The following GPRASP3 variants were observed in gnomAD, a reference collection of about 807,000 sequenced individuals.
The protein encoded by GPRASP3 is G protein-coupled receptor associated sorting protein 3.
At chrX:102,727,256 A>G in the GPRASP3 span, among the ~76,000 whole-genome samples, 2 of 112,467 alleles carry the variant, frequency 1.8e-5, no homozygotes, top group Non-Finnish European at 3.8e-5. Flanking sequence ...CACAATATCA[A>G]CTTCCGTCCT....
the GPRASP3 span, among the ~76,000 whole-genome samples, chrX:102,732,349 G>A: frequency 1.8e-5 from 2 of 110,881 alleles, no homozygotes; most frequent in African/African-American, 6.5e-5. Flanking sequence ...TCAGGGGCAG[G>A]ATTTTGCCAC....
chrX:102,746,276 C>A, the GPRASP3 span: 3 of 111,616 alleles, frequency 2.7e-5, no homozygotes, highest in Admixed American at 1.9e-4. Context: ...ACGATCCGGT[C>A]GGAGCCGGTC....
At chrX:102,751,842 T>A in the GPRASP3 span, 1 of 123,137 alleles carries the variant, frequency 8.1e-6, no homozygotes, top group Non-Finnish European at 1.9e-5. Context: ...GTCCTTTGTA[T>A]CTTTTTCTAT....
At chrX:102,753,415 A>G in the GPRASP3 span, 1,253 of 123,356 alleles carry the variant, frequency 0.01, 6 homozygotes, top group Non-Finnish European at 0.015. Flanking sequence ...GAGTTTGGCC[A>G]TTATAAGTAA....
the GPRASP3 span, among the ~76,000 whole-genome samples, chrX:102,721,527 A>G: frequency 3.6e-5 from 4 of 111,163 alleles, no homozygotes; most frequent in Admixed American, 9.5e-5. Flanking sequence ...AAGGAGGAGG[A>G]GACATAGACT....
the GPRASP3 span, among the ~76,000 whole-genome samples, chrX:102,722,924 T>C: frequency 9.0e-6 from 1 of 111,403 alleles, no homozygotes; most frequent in Non-Finnish European, 1.9e-5. Context: ...AGTAGCACAA[T>C]AGGGTGCCTA....
chrX:102,746,687 G>T, the GPRASP3 span, among the ~76,000 whole-genome samples: 1 of 112,895 alleles, frequency 8.9e-6, no homozygotes, highest in Admixed American at 9.3e-5. Flanking sequence ...CAGGCTCCAG[G>T]TGGTTGTTAA....
chrX:102,737,497 A>G, the GPRASP3 span, among the ~76,000 whole-genome samples: 4 of 111,851 alleles, frequency 3.6e-5, no homozygotes, highest in East Asian at 1.1e-3. Flanking sequence ...CAGAGAATAC[A>G]TTGATTTCTA....
the GPRASP3 span, among the ~76,000 whole-genome samples, chrX:102,748,372 A>G: frequency 9.0e-6 from 1 of 111,310 alleles, no homozygotes; most frequent in African/African-American, 3.3e-5. Context: ...GAATACACCT[A>G]TGAGGTCTAG....
chrX:102,752,060 G>A, the GPRASP3 span: 1 of 118,523 alleles, frequency 8.4e-6, no homozygotes, highest in Admixed American at 1.0e-4. Flanking sequence ...TTCTGCATTT[G>A]TGCCAGCTAA....
the GPRASP3 span, chrX:102,721,072 GA>G: frequency 1.8e-5 from 2 of 111,416 alleles, no homozygotes; most frequent in African/African-American, 6.6e-5. Flanking sequence ...GGTGGTGACT[GA>G]GACTAGATGC....
chrX:102,731,555 G>A, the GPRASP3 span, among the ~76,000 whole-genome samples: 3 of 110,420 alleles, frequency 2.7e-5, no homozygotes, highest in African/African-American at 9.9e-5. Context: ...ACTTGAACCC[G>A]GGAAGCGGAG....
At chrX:102,744,170 A>AGGT in the GPRASP3 span, among the ~76,000 whole-genome samples, 1 of 112,235 alleles carries the variant, frequency 8.9e-6, no homozygotes, top group African/African-American at 3.2e-5. Flanking sequence ...AAGGCAAGAC[A>AGGT]GGTGTTAGCC....
the GPRASP3 span, among the ~76,000 whole-genome samples, chrX:102,732,073 C>T: frequency 8.9e-6 from 1 of 111,955 alleles, no homozygotes. Context: ...GGGATAATTG[C>T]GGAACCATCA....
chrX:102,728,745 C>T, the GPRASP3 span, among the ~76,000 whole-genome samples: 17 of 109,499 alleles, frequency 1.6e-4, no homozygotes, highest in Admixed American at 6.9e-4. Context: ...TTTTATTTTT[C>T]ACTGCTCTTT....
Sources: allele counts gnomAD v4.1 joint callset (sites outside exome capture counted in the v4.1 genomes callset), GRCh38; gene constraint gnomAD v4.1.1; transcripts MANE v1.5; gene names NCBI Gene and HGNC (gene_info 2026-07-23, HGNC 2026-07-21).